The following CLSTN2 variants were observed in gnomAD, a reference collection of about 807,000 sequenced individuals.
CLSTN2 encodes calsyntenin 2, also known as calsyntenin-2.
CLSTN2 carries 48 observed loss-of-function variants against 101.2 expected under a neutral mutation model. The observed-to-expected ratio is 0.47, with a 90% CI of 0.38 to 0.60. The LOEUF (loss-of-function observed/expected upper bound fraction) is 0.60, where lower values mean the gene tolerates loss of function less well. Ranked by LOEUF, CLSTN2 falls within the 20% of genes least tolerant of loss-of-function variation. The pLI, the probability that CLSTN2 is intolerant of heterozygous loss-of-function variation, is 0.00. For missense variants in CLSTN2, 1,160 were observed against 1,238.2 expected, an observed-to-expected ratio of 0.94 and a Z score of 0.95; for synonymous variants, 481 against 463.6, an observed-to-expected ratio of 1.04 and a Z score of -0.48.
intron 8 of CLSTN2, among the ~76,000 whole-genome samples, chr3:140,492,427 T>C (rs1388849816): frequency 6.6e-6 from 1 of 152,218 alleles, no homozygotes; most frequent in East Asian, 1.9e-4. Flanking sequence ...AGCAAAGAAG[T>C]AGCAGCGGCA....
At position 140,171,628 on chromosome 3, in the gene CLSTN2, G is replaced by A. The variant is rs866012107; in HGVS notation, c.110-4323G>A. On this transcript the variant is annotated intron_variant, in intron 1 of 16. Transcript: ENST00000458420. ...ATGTGCATTATATATTATATAATAT[G>A]TATTATATATTATATATAATACGTA... 8.6e-3 allele frequency among the ~76,000 whole-genome samples: 1,011 copies of A among 117,472 alleles called. 12 individuals carry two copies. The highest frequency in any genetic ancestry group is 0.013 in the Admixed American group (114 of 9,076). 77.1% of individuals were successfully genotyped at this position (117,472 alleles called of 152,430 possible).
intron 3 of CLSTN2, 119 bp downstream of exon 3, chr3:140,403,943 C>T (rs146951102): frequency 3.5e-6 from 3 of 848,660 alleles, no homozygotes; most frequent in Non-Finnish European, 5.4e-6. Context: ...TCCAACTTTG[C>T]TCAACTGCTT....
intron 2 of CLSTN2, among the ~76,000 whole-genome samples, chr3:140,299,771 C>T (rs569196086): frequency 6.6e-6 from 1 of 152,278 alleles, no homozygotes; most frequent in Non-Finnish European, 1.5e-5. Flanking sequence ...AATATGGTTT[C>T]TTCTTTGGCT....
chr3:140,136,145 A>G (rs1055560389), intron 1 of CLSTN2, among the ~76,000 whole-genome samples: 3 of 152,158 alleles, frequency 2.0e-5, no homozygotes, highest in Non-Finnish European at 4.4e-5. Flanking sequence ...TGCTCTAATA[A>G]TTGAAAATAT....
At chr3:140,160,517 C>G (rs2010028112) in intron 1 of CLSTN2, among the ~76,000 whole-genome samples, 1 of 152,126 alleles carries the variant, frequency 6.6e-6, no homozygotes. Flanking sequence ...GAGACATTCT[C>G]AATTTCATGG....
At chr3:139,941,910 A>C (rs1394964933) in intron 1 of CLSTN2, among the ~76,000 whole-genome samples, 1 of 152,152 alleles carries the variant, frequency 6.6e-6, no homozygotes, top group Non-Finnish European at 1.5e-5. Context: ...CCTCGTACCA[A>C]CCCTATGAAG....
chr3:140,253,071 G>C (rs963793746), intron 2 of CLSTN2, among the ~76,000 whole-genome samples: 4 of 152,136 alleles, frequency 2.6e-5, no homozygotes, highest in Non-Finnish European at 4.4e-5. Flanking sequence ...GTGTAAGTTC[G>C]ATCACTGGGA....
chr3:140,008,623 G>A (rs923154391), intron 1 of CLSTN2, among the ~76,000 whole-genome samples: 1 of 152,234 alleles, frequency 6.6e-6, no homozygotes, highest in Non-Finnish European at 1.5e-5. Context: ...ATTCTACTCT[G>A]CCTGGATCAG....
intron 2 of CLSTN2, among the ~76,000 whole-genome samples, chr3:140,262,977 G>A (rs148238769): frequency 5.3e-5 from 8 of 151,856 alleles, no homozygotes; most frequent in African/African-American, 1.9e-4. Context: ...AACTTGAAAT[G>A]AGCCAGGATT....
At chr3:140,244,123 G>T (rs989370885) in intron 2 of CLSTN2, among the ~76,000 whole-genome samples, 1 of 152,184 alleles carries the variant, frequency 6.6e-6, no homozygotes, top group African/African-American at 2.4e-5. Context: ...TTCAGTTGTG[G>T]CTAACAGGAG....
chr3:139,952,132 T>C (rs905094172), intron 1 of CLSTN2, among the ~76,000 whole-genome samples: 2 of 152,196 alleles, frequency 1.3e-5, no homozygotes, highest in Non-Finnish European at 2.9e-5. Context: ...CATTTGGTAG[T>C]TCTGTAATAT....
chr3:140,375,338 T>A (rs931308651), intron 2 of CLSTN2, among the ~76,000 whole-genome samples: 2 of 152,110 alleles, frequency 1.3e-5, no homozygotes, highest in Non-Finnish European at 2.9e-5. Context: ...ACTCAGGGGA[T>A]GTTTGCTTGA....
intron 2 of CLSTN2, among the ~76,000 whole-genome samples, chr3:140,351,752 A>G (rs919601684): frequency 2.0e-5 from 3 of 151,804 alleles, no homozygotes; most frequent in African/African-American, 4.8e-5. Flanking sequence ...TTAAAGGGTC[A>G]TATAATCATC....
At chr3:140,155,396 A>G (rs540716648) in intron 1 of CLSTN2, among the ~76,000 whole-genome samples, 2 of 152,340 alleles carry the variant, frequency 1.3e-5, no homozygotes, top group East Asian at 1.9e-4. Flanking sequence ...TTGAGCAGCA[A>G]TAGTGTGCCA....
intron 5 of CLSTN2, among the ~76,000 whole-genome samples, chr3:140,423,826 G>A (rs749152344): frequency 1.3e-5 from 2 of 151,642 alleles, no homozygotes; most frequent in Non-Finnish European, 2.9e-5. Flanking sequence ...TCTCCCTTAC[G>A]TGCCCACCCT....
intron 5 of CLSTN2, among the ~76,000 whole-genome samples, chr3:140,430,111 G>A (rs1171514092): frequency 6.6e-6 from 1 of 152,196 alleles, no homozygotes; most frequent in East Asian, 1.9e-4. Flanking sequence ...GCCCAAGAAG[G>A]TGTCCAGATT....
chr3:140,513,777 G>A (rs1342716197), intron 8 of CLSTN2, among the ~76,000 whole-genome samples: 3 of 151,296 alleles, frequency 2.0e-5, no homozygotes, highest in Non-Finnish European at 3.0e-5. Flanking sequence ...GGCTTTTTTT[G>A]GTTGGTAGGC....
chr3:140,345,492 C>T (rs373961090), intron 2 of CLSTN2, among the ~76,000 whole-genome samples: 15 of 152,066 alleles, frequency 9.9e-5, no homozygotes, highest in Non-Finnish European at 1.8e-4. Flanking sequence ...TCAGGCGATC[C>T]GCCTGCCTCA....
Position 140,377,851 on chromosome 3 carries a change from C to T in CLSTN2, c.233-25778C>T, listed in dbSNP as rs186806111. On this transcript the variant is annotated intron_variant, in intron 2 of 16. Coordinates refer to ENST00000458420, the MANE Select transcript of CLSTN2 (RefSeq NM_022131.3). ...AGTCCACAGTAGTGGGCAGCAGTGT[C>T]CTGGGGTTTCATATTCACTCACCAC... 5.9e-5 allele frequency among the ~76,000 whole-genome samples: 9 copies of T among 152,246 alleles called. No individual in the cohort carries two copies. In the East Asian group the frequency reaches 1.5e-3, roughly 26 times the overall value.
Sources: allele counts gnomAD v4.1 joint callset (sites outside exome capture counted in the v4.1 genomes callset), GRCh38; gene constraint gnomAD v4.1.1; transcripts MANE v1.5; gene names NCBI Gene and HGNC (gene_info 2026-07-23, HGNC 2026-07-21).